PPA2: variants seen among roughly 807,000 people sequenced by gnomAD.
The protein encoded by PPA2 is inorganic pyrophosphatase 2.
In PPA2, 48 loss-of-function variants were observed where a neutral mutation model predicts 49.5. That is an observed-to-expected ratio of 0.97 (90% CI 0.77 to 1.23). PPA2 has a LOEUF of 1.23. PPA2 is among the 50% of genes most tolerant of loss of function. The pLI is 0.00. For synonymous variants in PPA2, 131 were observed against 139.9 expected, an observed-to-expected ratio of 0.94 and a Z score of 0.45; for missense variants, 429 against 410.1, an observed-to-expected ratio of 1.05 and a Z score of -0.40.
At chr4:105,469,054 T>C (rs1723421770) in intron 1 of PPA2, among the ~76,000 whole-genome samples, 1 of 152,212 alleles carries the variant, frequency 6.6e-6, no homozygotes, top group Admixed American at 6.5e-5. Context: ...TTTATACATA[T>C]TTCAAAATCT....
chr4:105,403,224 CT>C (rs1404302361), intron 7 of PPA2, among the ~76,000 whole-genome samples: 1 of 151,806 alleles, frequency 6.6e-6, no homozygotes, highest in Non-Finnish European at 1.5e-5. Context: ...AGTAGAATTG[CT>C]TTGTTTTGTT....
chr4:105,425,657 G>A (rs1045621263), intron 6 of PPA2, among the ~76,000 whole-genome samples: 14 of 150,606 alleles, frequency 9.3e-5, no homozygotes, highest in South Asian at 2.1e-4. Context: ...AATAAATAAC[G>A]TCCAAAAAAT....
chr4:105,430,388 A>G (rs1398184066), intron 6 of PPA2, among the ~76,000 whole-genome samples: 2 of 152,196 alleles, frequency 1.3e-5, no homozygotes, highest in Non-Finnish European at 2.9e-5. Context: ...TTAGACACTC[A>G]CATGTTTAGC....
chr4:105,383,912 A>AC (rs397692405), intron 10 of PPA2, among the ~76,000 whole-genome samples: 1 of 151,448 alleles, frequency 6.6e-6, no homozygotes, highest in Non-Finnish European at 1.5e-5. Flanking sequence ...CAAAAAAAAA[A>AC]CCTGATAGCA....
chr4:105,459,973 T>C (rs866238781), intron 1 of PPA2, among the ~76,000 whole-genome samples: 1 of 152,218 alleles, frequency 6.6e-6, no homozygotes, highest in Non-Finnish European at 1.5e-5. Flanking sequence ...TTCTGTACTT[T>C]GTGATGCTGT....
chr4:105,370,135 A>G (rs1022016712), intron 11 of PPA2, among the ~76,000 whole-genome samples: 1 of 152,258 alleles, frequency 6.6e-6, no homozygotes, highest in Non-Finnish European at 1.5e-5. Flanking sequence ...TCGCAAAGAA[A>G]CAATTTGTTA....
rs751916253 is a variant in PPA2 at position 105,439,983 on chromosome 4, G to A, written c.442-1947C>T. Among the ~76,000 whole-genome samples, 5 of 151,766 alleles carry A rather than the reference G, an allele frequency of 3.3e-5. No homozygotes were observed. In the South Asian group the frequency reaches 8.3e-4, roughly 25 times the overall value. ...GTTTGCTGAGAATGATAATCTTAAC[G>A]TGCTGGGGAAACCAGGATGGGACAC... On this transcript the variant is annotated intron_variant, in intron 5 of 11. Transcript: ENST00000341695.
At chr4:105,418,041 T>C (rs746841260) in intron 7 of PPA2, among the ~76,000 whole-genome samples, 4 of 152,194 alleles carry the variant, frequency 2.6e-5, no homozygotes, top group Non-Finnish European at 5.9e-5. Context: ...TTCATTGAAG[T>C]TGTGTGAAGA....
intron 1 of PPA2, among the ~76,000 whole-genome samples, chr4:105,465,110 C>T (rs573083571): frequency 8.0e-4 from 122 of 152,318 alleles, no homozygotes; most frequent in African/African-American, 2.7e-3. Context: ...CACCATCCCA[C>T]ATCTAGTGAA....
intron 9 of PPA2, among the ~76,000 whole-genome samples, chr4:105,392,897 C>G (rs56816877): frequency 0.014 from 2,110 of 152,116 alleles, 48 homozygotes; most frequent in African/African-American, 0.046. Flanking sequence ...CCACAGAAGA[C>G]AAGGAATACA....
intron 1 of PPA2, among the ~76,000 whole-genome samples, chr4:105,466,300 AAT>A (rs1286075435): frequency 2.0e-5 from 3 of 151,864 alleles, no homozygotes; most frequent in Non-Finnish European, 4.4e-5. Flanking sequence ...ATATTTCTTG[AAT>A]ATATGCACTG....
rs1376711480 is a variant in PPA2, at chr4:105,405,398, GTTTACT to G, written c.656-6240_656-6235del. ...TAATTTCTTATTTAACAACAGACAC[GTTTACT>G]TTTATCTCTAATATTATTACAATTT... is the stretch of plus-strand genomic sequence containing the variant. On this transcript the variant is annotated intron_variant, in intron 7 of 11. Transcript: ENST00000341695. The G allele has an allele frequency of 6.4e-6, 5 of 786,302 alleles. No individual in the cohort carries two copies. In the East Asian group the frequency reaches 5.1e-4, roughly 80 times the overall value. 48.7% of individuals were successfully genotyped at this position (786,302 alleles called of 1,614,324 possible). A position where few individuals can be genotyped will look rare whatever the true frequency, so the allele number is the denominator to read the frequency against.
At chr4:105,443,591 T>TCA (rs56765056) in intron 5 of PPA2, among the ~76,000 whole-genome samples, 10,875 of 145,188 alleles carry the variant, frequency 0.075, 407 homozygotes, top group Admixed American at 0.096. Flanking sequence ...TATGGTGTAT[T>TCA]CACACACACA....
intron 10 of PPA2, among the ~76,000 whole-genome samples, chr4:105,373,500 TA>T (rs1733111433): frequency 6.6e-6 from 1 of 152,114 alleles, no homozygotes; most frequent in Non-Finnish European, 1.5e-5. Context: ...ATTTCCTGCT[TA>T]AAATTAGCAG....
intron 7 of PPA2, among the ~76,000 whole-genome samples, chr4:105,408,986 C>T (rs1273278262): frequency 2.0e-5 from 3 of 152,168 alleles, no homozygotes; most frequent in East Asian, 1.9e-4. Flanking sequence ...GAGAGATTGA[C>T]GCAAAAGATG....
chr4:105,432,817 G>C (rs1250134219), intron 6 of PPA2, among the ~76,000 whole-genome samples: 1 of 152,168 alleles, frequency 6.6e-6, no homozygotes, highest in African/African-American at 2.4e-5. Flanking sequence ...GAAGCCAAAA[G>C]ATTGGACACC....
At chr4:105,410,116 C>T (rs113227345) in intron 7 of PPA2, among the ~76,000 whole-genome samples, 3,178 of 152,234 alleles carry the variant, frequency 0.021, 50 homozygotes, top group Middle Eastern at 0.061. Context: ...CAAACTTCTC[C>T]GAGCTTAAGG....
At position 105,438,557 on chromosome 4, in the gene PPA2, C is replaced by T. The variant is rs148692477; in HGVS notation, c.442-521G>A. On this transcript the variant is annotated intron_variant, in intron 5 of 11. Transcript: ENST00000341695. ...GTCTTATTCATTCCATTAAAAAATC[C>T]TCTACCTGTCAAATCTCAAGGACCT... Among the ~76,000 whole-genome samples the T allele has an allele frequency of 3.0e-3, 455 of 152,170 alleles. 5 individuals carry two copies. Among genetic ancestry groups the T allele is most frequent in the African/African-American group, 0.011 (439 of 41,494 alleles).
At position 105,379,390 on chromosome 4, in the gene PPA2, T is replaced by G. The variant is rs1190739299; in HGVS notation, c.939+7177A>C. Among the ~76,000 whole-genome samples the G allele has an allele frequency of 2.6e-5, 4 of 151,634 alleles. No homozygotes were observed. The East Asian group carries it at 7.7e-4, about 29-fold the overall frequency. The stretch of plus-strand genomic sequence containing the variant: ...ATCTATATATATAGATGTGTGTGTA[T>G]ATATATATCTATATGTGTGTATCTA... On this transcript the variant is annotated intron_variant, in intron 10 of 11. Transcript: ENST00000341695.
Sources: gnomAD v4.1 joint callset for allele counts (sites outside exome capture counted in the v4.1 genomes callset) on GRCh38, gnomAD v4.1.1 for gene constraint, MANE v1.5 for transcripts, NCBI Gene and HGNC (gene_info 2026-07-23, HGNC 2026-07-21) for gene names.